CDKAL1: variants seen among roughly 807,000 people sequenced by gnomAD.
The protein encoded by CDKAL1 is CDKAL1 threonylcarbamoyladenosine tRNA methylthiotransferase, also known as threonylcarbamoyladenosine tRNA methylthiotransferase.
A neutral mutation model predicts 68.2 loss-of-function variants in CDKAL1; 32 were observed. The observed-to-expected ratio is 0.47, with a 90% CI of 0.35 to 0.63. CDKAL1 has a LOEUF of 0.63. Among genes scored for constraint, CDKAL1 ranks in the 30% least tolerant of loss-of-function variants. The probability of loss-of-function intolerance (pLI) is 0.00; values close to 1 mark genes in which losing one functional copy is unlikely to be tolerated. For missense variants in CDKAL1, 606 were observed against 696.7 expected, an observed-to-expected ratio of 0.87 and a Z score of 1.47; for synonymous variants, 234 against 244.3, an observed-to-expected ratio of 0.96 and a Z score of 0.39.
intron 13 of CDKAL1, among the ~76,000 whole-genome samples, chr6:21,143,025 C>G (rs947111832): frequency 1.3e-5 from 2 of 152,160 alleles, no homozygotes; most frequent in Non-Finnish European, 2.9e-5. Context: ...ATCTAATTTG[C>G]CTTGTTACAG....
At chr6:20,920,480 GA>G (rs1366428129) in intron 9 of CDKAL1, among the ~76,000 whole-genome samples, 1 of 152,170 alleles carries the variant, frequency 6.6e-6, no homozygotes, top group African/African-American at 2.4e-5. Context: ...CTTGGCATTA[GA>G]AAATTTTATA....
rs559818387 is a variant in CDKAL1, at chr6:20,793,276, A to C, written c.638+12011A>C. On this transcript the variant is annotated intron_variant, in intron 8 of 15. Transcript: ENST00000274695. ...TATTTCTACTATTGGTCTTATTTTT[A>C]AAATTTTCCTACCTTAATTCTCAAT... is the stretch of plus-strand genomic sequence containing the variant. 1.4e-4 allele frequency among the ~76,000 whole-genome samples: 21 copies of C among 152,304 alleles called. No homozygotes were observed. The South Asian group carries it at 4.4e-3, about 32-fold the overall frequency.
intron 4 of CDKAL1, among the ~76,000 whole-genome samples, chr6:20,635,289 G>C (rs1428372717): frequency 1.3e-5 from 2 of 152,128 alleles, no homozygotes; most frequent in Non-Finnish European, 2.9e-5. Context: ...TACTCCGGGT[G>C]GTGTCCCAGG....
At chr6:21,206,831 G>A (rs915814294) in intron 15 of CDKAL1, among the ~76,000 whole-genome samples, 2 of 152,100 alleles carry the variant, frequency 1.3e-5, no homozygotes, top group African/African-American at 4.8e-5. Flanking sequence ...ACCATGCATA[G>A]TAGGTATATT....
intron 8 of CDKAL1, among the ~76,000 whole-genome samples, chr6:20,829,291 G>A (rs951644258): frequency 1.3e-5 from 2 of 152,190 alleles, no homozygotes; most frequent in East Asian, 3.8e-4. Context: ...TTCCTCAGCA[G>A]CTACACACCA....
intron 9 of CDKAL1, among the ~76,000 whole-genome samples, chr6:20,850,732 T>G (rs1022522453): frequency 6.6e-6 from 1 of 152,110 alleles, no homozygotes; most frequent in Non-Finnish European, 1.5e-5. Context: ...TTATGAGACA[T>G]TTTATATTCA....
intron 8 of CDKAL1, among the ~76,000 whole-genome samples, chr6:20,838,985 A>AC (rs1778069215): frequency 6.6e-6 from 1 of 152,188 alleles, no homozygotes; most frequent in Non-Finnish European, 1.5e-5. Context: ...AAAAAAAAAA[A>AC]AAAAATTCTA....
chr6:20,676,708 A>T (rs2127786968), intron 5 of CDKAL1, among the ~76,000 whole-genome samples: 1 of 146,160 alleles, frequency 6.8e-6, no homozygotes, highest in South Asian at 2.1e-4. Context: ...TAAATAAAAT[A>T]AAATAAAATA....
intron 5 of CDKAL1, among the ~76,000 whole-genome samples, chr6:20,680,947 G>A (rs1014640345): frequency 6.6e-6 from 1 of 152,288 alleles, no homozygotes; most frequent in East Asian, 1.9e-4. Context: ...ATGTGACTTC[G>A]AGAAGAGGAA....
intron 5 of CDKAL1, among the ~76,000 whole-genome samples, chr6:20,733,518 C>T (rs1039348724): frequency 1.3e-5 from 2 of 152,184 alleles, no homozygotes; most frequent in African/African-American, 4.8e-5. Context: ...AAGGTGCATT[C>T]TAGAGAATGA....
intron 8 of CDKAL1, among the ~76,000 whole-genome samples, chr6:20,788,116 C>T (rs955535745): frequency 7.9e-5 from 12 of 152,300 alleles, no homozygotes; most frequent in African/African-American, 2.9e-4. Context: ...TTATTATTTA[C>T]ATGCTAATTA....
intron 5 of CDKAL1, chr6:20,722,497 GT>G: frequency 3.1e-6 from 1 of 324,210 alleles, no homozygotes; most frequent in South Asian, 3.2e-5. Flanking sequence ...CAGAAAATGG[GT>G]TTAGTATGCC....
chr6:21,099,586 C>A (rs1197371915), intron 12 of CDKAL1, among the ~76,000 whole-genome samples: 2 of 152,070 alleles, frequency 1.3e-5, no homozygotes, highest in Non-Finnish European at 2.9e-5. Flanking sequence ...CAATAATAAT[C>A]CAGATAAGAG....
chr6:20,559,379 C>T (rs1159042077), intron 4 of CDKAL1: 5 of 152,086 alleles, frequency 3.3e-5, no homozygotes, highest in African/African-American at 1.2e-4. Context: ...GTATTATGTC[C>T]AAAATGAATG....
At chr6:20,803,541 G>A (rs1446107810) in intron 8 of CDKAL1, among the ~76,000 whole-genome samples, 1 of 152,174 alleles carries the variant, frequency 6.6e-6, no homozygotes, top group Non-Finnish European at 1.5e-5. Context: ...CTAAAAATAA[G>A]CCATTGGCGG....
intron 4 of CDKAL1, among the ~76,000 whole-genome samples, chr6:20,639,186 A>G (rs565547113): frequency 1.3e-5 from 2 of 152,226 alleles, no homozygotes; most frequent in Admixed American, 6.5e-5. Flanking sequence ...ATCGTCTTTC[A>G]TATAATGAAC....
intron 4 of CDKAL1, among the ~76,000 whole-genome samples, chr6:20,609,373 C>CCTTCTTCTCCTT (rs1766499390): frequency 9.3e-6 from 1 of 107,800 alleles, no homozygotes; most frequent in African/African-American, 4.4e-5. Flanking sequence ...TTCTCCTTCT[C>CCTTCTTCTCCTT]CTTCTTCTTC....
At chr6:20,719,222 T>A (rs560733201) in intron 5 of CDKAL1, among the ~76,000 whole-genome samples, 60 of 152,332 alleles carry the variant, frequency 3.9e-4, no homozygotes, top group African/African-American at 1.4e-3. Flanking sequence ...GTGTACACTT[T>A]GTGCATTTAA....
At chr6:20,790,814 C>G (rs1171253537) in intron 8 of CDKAL1, among the ~76,000 whole-genome samples, 8 of 152,164 alleles carry the variant, frequency 5.3e-5, no homozygotes, top group African/African-American at 7.2e-5. Context: ...TTCTCTCTCT[C>G]TGTGTGTCTG....
Sources: gnomAD v4.1 joint callset for allele counts (sites outside exome capture counted in the v4.1 genomes callset) on GRCh38, gnomAD v4.1.1 for gene constraint, MANE v1.5 for transcripts, NCBI Gene and HGNC (gene_info 2026-07-23, HGNC 2026-07-21) for gene names.